Variants in ADAMTS17 observed in about 807,000 individuals in gnomAD.
ADAMTS17 encodes A disintegrin and metalloproteinase with thrombospondin motifs 17.
ADAMTS17 carries 113 observed loss-of-function variants against 141.5 expected under a neutral mutation model. The observed-to-expected ratio is 0.80, with a 90% CI of 0.69 to 0.93. The LOEUF is 0.93. Ranked by LOEUF, ADAMTS17 falls within the 40% of genes least tolerant of loss-of-function variation. The probability of loss-of-function intolerance (pLI) is 0.00; values close to 1 mark genes in which losing one functional copy is unlikely to be tolerated. For missense variants in ADAMTS17, 1,659 were observed against 1,517.9 expected, an observed-to-expected ratio of 1.09 and a Z score of -1.54; for synonymous variants, 768 against 630.6, an observed-to-expected ratio of 1.22 and a Z score of -3.27.
chr15:100,272,466 GTTTTC>G (rs1210857823), intron 4 of ADAMTS17, among the ~76,000 whole-genome samples: 1 of 151,230 alleles, frequency 6.6e-6, no homozygotes, highest in African/African-American at 2.4e-5. Context: ...AGACAGAACT[GTTTTC>G]TTAATTTTCT....
intron 15 of ADAMTS17, among the ~76,000 whole-genome samples, chr15:100,076,733 T>C (rs1393399868): frequency 2.0e-5 from 3 of 152,210 alleles, no homozygotes; most frequent in African/African-American, 4.8e-5. Context: ...TTTGAATTTA[T>C]ACAAATACAC....
intron 7 of ADAMTS17, among the ~76,000 whole-genome samples, chr15:100,199,938 C>T (rs946645683): frequency 6.6e-5 from 10 of 152,216 alleles, no homozygotes; most frequent in Non-Finnish European, 1.5e-4. Context: ...ATGCGCATCC[C>T]GGGCGTGAGC....
intron 7 of ADAMTS17, among the ~76,000 whole-genome samples, chr15:100,248,861 C>T (rs936170144): frequency 1.3e-5 from 2 of 150,410 alleles, no homozygotes; most frequent in East Asian, 2.0e-4. Context: ...TGCAGTGGTG[C>T]GATCTCGGCT....
intron 12 of ADAMTS17, among the ~76,000 whole-genome samples, chr15:100,122,568 C>T (rs545581288): frequency 6.6e-6 from 1 of 152,256 alleles, no homozygotes; most frequent in South Asian, 2.1e-4. Flanking sequence ...AGTAGAAAAT[C>T]CACATATAAC....
chr15:100,321,884 T>C (rs2045743941), intron 3 of ADAMTS17, among the ~76,000 whole-genome samples: 1 of 152,208 alleles, frequency 6.6e-6, no homozygotes, highest in South Asian at 2.1e-4. Context: ...TATAATCTGT[T>C]TGCAGTAATT....
At position 100,032,573 on chromosome 15, in the gene ADAMTS17, G is replaced by A. The variant is rs558641521; in HGVS notation, c.2591+16284C>T. On this transcript the variant is annotated intron_variant, in intron 18 of 21. Transcript: ENST00000268070. ...CCCTTGATAGCACTCGGAGTTAAAT[G>A]CCACTACAGTACTGTCTGATGACTC... 1.3e-4 allele frequency among the ~76,000 whole-genome samples: 20 copies of A among 152,278 alleles called. No homozygotes were observed. In the East Asian group the frequency reaches 2.7e-3, roughly 21 times the overall value.
At chr15:100,259,574 G>A (rs1028653482) in intron 6 of ADAMTS17, among the ~76,000 whole-genome samples, 5 of 152,212 alleles carry the variant, frequency 3.3e-5, no homozygotes, top group African/African-American at 1.2e-4. Context: ...CATCAGCCAT[G>A]TCATAGACGA....
chr15:100,100,157 T>A (rs181990532), intron 14 of ADAMTS17, among the ~76,000 whole-genome samples: 3 of 152,222 alleles, frequency 2.0e-5, no homozygotes, highest in Admixed American at 2.0e-4. Flanking sequence ...GAGACGCCAG[T>A]GCGGAAACAA....
At chr15:100,314,633 A>G (rs1476436236) in intron 3 of ADAMTS17, among the ~76,000 whole-genome samples, 1 of 152,254 alleles carries the variant, frequency 6.6e-6, no homozygotes, top group Non-Finnish European at 1.5e-5. Flanking sequence ...ATATTGTACA[A>G]GTAAAGGGGA....
At chr15:99,994,769 G>T (rs1475475752) in intron 19 of ADAMTS17, among the ~76,000 whole-genome samples, 1 of 152,172 alleles carries the variant, frequency 6.6e-6, no homozygotes, top group Non-Finnish European at 1.5e-5. Context: ...GTTTCACCAT[G>T]TTAGCCAGGA....
At chr15:100,045,161 A>C (rs941276841) in intron 18 of ADAMTS17, among the ~76,000 whole-genome samples, 4 of 151,794 alleles carry the variant, frequency 2.6e-5, no homozygotes, top group African/African-American at 9.7e-5. Context: ...ATTTAATTTT[A>C]GTAATATATT....
intron 4 of ADAMTS17, among the ~76,000 whole-genome samples, chr15:100,264,547 G>A (rs771813027): frequency 3.3e-5 from 5 of 152,154 alleles, no homozygotes; most frequent in Non-Finnish European, 5.9e-5. Context: ...GAAGTAACAC[G>A]AGAAAGCAAT....
intron 14 of ADAMTS17, among the ~76,000 whole-genome samples, chr15:100,104,302 A>T (rs954662115): frequency 9.9e-5 from 15 of 152,240 alleles, no homozygotes; most frequent in African/African-American, 3.6e-4. Flanking sequence ...GCTGAAAAAT[A>T]CACAATGTTT....
At chr15:100,245,411 G>C (rs2042956687) in intron 7 of ADAMTS17, among the ~76,000 whole-genome samples, 1 of 152,258 alleles carries the variant, frequency 6.6e-6, no homozygotes, top group African/African-American at 2.4e-5. Context: ...TGCTTGCTCA[G>C]CCCTCTTGCT....
intron 18 of ADAMTS17, among the ~76,000 whole-genome samples, chr15:100,028,738 C>T (rs1369025811): frequency 6.6e-6 from 1 of 152,228 alleles, no homozygotes; most frequent in Non-Finnish European, 1.5e-5. Flanking sequence ...GGAGTCCTCA[C>T]TCTACTGCTT....
At chr15:100,210,242 A>C (rs2041754775) in intron 7 of ADAMTS17, among the ~76,000 whole-genome samples, 1 of 150,712 alleles carries the variant, frequency 6.6e-6, no homozygotes, top group African/African-American at 2.4e-5. Flanking sequence ...AAAAAAAAAA[A>C]AAAAAAAAAA....
At chr15:100,326,482 G>C (rs1238183714) in intron 3 of ADAMTS17, among the ~76,000 whole-genome samples, 2 of 152,204 alleles carry the variant, frequency 1.3e-5, no homozygotes, top group Admixed American at 1.3e-4. Flanking sequence ...GTGGAATGAG[G>C]AGCTCATTAG....
chr15:100,315,311 T>G (rs1405994286), intron 3 of ADAMTS17, among the ~76,000 whole-genome samples: 2 of 151,522 alleles, frequency 1.3e-5, no homozygotes, highest in Non-Finnish European at 2.9e-5. Context: ...CTCTTTTCTC[T>G]CCCCCCACCC....
At chr15:100,209,154 T>G (rs1280585730) in intron 7 of ADAMTS17, among the ~76,000 whole-genome samples, 2 of 130,132 alleles carry the variant, frequency 1.5e-5, no homozygotes, top group Non-Finnish European at 3.3e-5. Context: ...AAGAAAAGGA[T>G]TCTCAAAACA....
Sources: gnomAD v4.1 joint callset for allele counts (sites outside exome capture counted in the v4.1 genomes callset) on GRCh38, gnomAD v4.1.1 for gene constraint, MANE v1.5 for transcripts, NCBI Gene and HGNC (gene_info 2026-07-23, HGNC 2026-07-21) for gene names.